The following FAM193A variants were observed in gnomAD, a reference collection of about 807,000 sequenced individuals.
The protein encoded by FAM193A is family with sequence similarity 193 member A.
A neutral mutation model predicts 126.5 loss-of-function variants in FAM193A; 22 were observed. That is an observed-to-expected ratio of 0.17 (90% CI 0.12 to 0.25). FAM193A has a LOEUF of 0.25. Ranked by LOEUF, FAM193A falls within the 10% of genes least tolerant of loss-of-function variation. The pLI is 1.00. For missense variants in FAM193A, 1,675 were observed against 1,672.8 expected, an observed-to-expected ratio of 1.00 and a Z score of -0.02; for synonymous variants, 761 against 646.8, an observed-to-expected ratio of 1.18 and a Z score of -2.68.
chr4:2,688,725 G>C (rs1716031223), intron 13 of FAM193A, among the ~76,000 whole-genome samples: 1 of 152,262 alleles, frequency 6.6e-6, no homozygotes, highest in African/African-American at 2.4e-5. Context: ...TGGTGCAAAT[G>C]TGCAGGCTGT....
At chr4:2,546,284 C>T (rs899854425) in intron 1 of FAM193A, among the ~76,000 whole-genome samples, 23 of 151,818 alleles carry the variant, frequency 1.5e-4, no homozygotes, top group African/African-American at 5.3e-4. Flanking sequence ...AGGCTACTGT[C>T]CCAGCCAAAA....
intron 5 of FAM193A, among the ~76,000 whole-genome samples, chr4:2,633,288 A>G (rs1743780272): frequency 6.6e-6 from 1 of 151,790 alleles, no homozygotes; most frequent in African/African-American, 2.4e-5. Context: ...AGTCCCAGCT[A>G]CTCGGGAGGC....
At chr4:2,638,267 A>G (rs1397185236) in intron 5 of FAM193A, among the ~76,000 whole-genome samples, 2 of 152,208 alleles carry the variant, frequency 1.3e-5, no homozygotes, top group African/African-American at 2.4e-5. Context: ...AGAGCAGCGG[A>G]CTATTGTAGC....
At position 2,647,881 on chromosome 4, in the gene FAM193A, G is replaced by T. The variant is rs535534560; in HGVS notation, c.1311+1049G>T. ...AGCCTAAGACATGTGCTGGTTCCATGTCTGCCCTGGCATGGTGAGTGCCAT... is the reference window on the plus strand; with the variant it reads ...AGCCTAAGACATGTGCTGGTTCCATTTCTGCCCTGGCATGGTGAGTGCCAT... On this transcript the variant is annotated intron_variant, in intron 7 of 20. Transcript: ENST00000637812. Among the ~76,000 whole-genome samples, 6 of 152,298 alleles carry T rather than the reference G, an allele frequency of 3.9e-5. No homozygotes were observed. The East Asian group carries it at 1.2e-3, about 29-fold the overall frequency.
chr4:2,603,295 T>G (rs1741323880), intron 2 of FAM193A, among the ~76,000 whole-genome samples: 1 of 149,978 alleles, frequency 6.7e-6, no homozygotes, highest in Non-Finnish European at 1.5e-5. Flanking sequence ...TTTTTGTTTT[T>G]TTTTTTGAGA....
chr4:2,724,681 G>A (rs575792421), intron 20 of FAM193A, among the ~76,000 whole-genome samples: 12 of 152,256 alleles, frequency 7.9e-5, no homozygotes, highest in African/African-American at 2.9e-4. Context: ...CTGCACTCCA[G>A]CTTGGGAGAT....
At chr4:2,713,462 C>T (rs1215018929) in intron 19 of FAM193A, among the ~76,000 whole-genome samples, 1 of 152,128 alleles carries the variant, frequency 6.6e-6, no homozygotes, top group Non-Finnish European at 1.5e-5. Flanking sequence ...CTAGTGCATT[C>T]CTATAGACTT....
intron 1 of FAM193A, among the ~76,000 whole-genome samples, chr4:2,594,710 G>A (rs1010661358): frequency 1.3e-5 from 2 of 151,912 alleles, no homozygotes; most frequent in African/African-American, 2.4e-5. Flanking sequence ...GGGTTGATAC[G>A]GGTTAAAAAT....
intron 19 of FAM193A, among the ~76,000 whole-genome samples, chr4:2,702,547 C>T (rs1340798962): frequency 2.0e-5 from 3 of 152,140 alleles, no homozygotes; most frequent in Admixed American, 6.5e-5. Flanking sequence ...CATGTGCACA[C>T]GAGCGCCTGC....
intron 13 of FAM193A, among the ~76,000 whole-genome samples, chr4:2,685,942 G>A (rs1413598655): frequency 2.0e-5 from 3 of 152,192 alleles, no homozygotes; most frequent in Non-Finnish European, 2.9e-5. Context: ...CAAAACTTCT[G>A]CTAGTTGAAG....
intron 2 of FAM193A, among the ~76,000 whole-genome samples, chr4:2,616,893 G>A (rs1231845503): frequency 6.7e-6 from 1 of 148,314 alleles, no homozygotes; most frequent in Non-Finnish European, 1.5e-5. Context: ...AAGTGGCTGG[G>A]CGTGGTGGCT....
At chr4:2,660,171 G>A (rs1712252337) in intron 10 of FAM193A, 117 bp downstream of exon 10, 3 of 1,132,406 alleles carry the variant, frequency 2.6e-6, no homozygotes, top group South Asian at 3.2e-5. Context: ...CATGACAAGG[G>A]ACCCTGAGGT....
intron 1 of FAM193A, among the ~76,000 whole-genome samples, chr4:2,581,738 C>A (rs973648362): frequency 6.6e-6 from 1 of 152,024 alleles, no homozygotes; most frequent in Non-Finnish European, 1.5e-5. Context: ...ACTGCAGGCT[C>A]CGTTTCCTGG....
chr4:2,585,584 C>CT (rs376283804), intron 1 of FAM193A, among the ~76,000 whole-genome samples: 40 of 152,082 alleles, frequency 2.6e-4, no homozygotes, highest in East Asian at 5.8e-4. Context: ...TCATTTTTCA[C>CT]TTTTTTTTGT....
intron 1 of FAM193A, among the ~76,000 whole-genome samples, chr4:2,589,496 G>A (rs1740404573): frequency 1.3e-5 from 2 of 152,186 alleles, no homozygotes; most frequent in Non-Finnish European, 2.9e-5. Flanking sequence ...TGTAGAATCA[G>A]TCACTGTTGA....
At chr4:2,557,755 A>G (rs1738346125) in intron 1 of FAM193A, among the ~76,000 whole-genome samples, 1 of 151,958 alleles carries the variant, frequency 6.6e-6, no homozygotes, top group Non-Finnish European at 1.5e-5. Flanking sequence ...GATCAAGACC[A>G]TCCTGGCTAA....
intron 1 of FAM193A, among the ~76,000 whole-genome samples, chr4:2,554,096 T>G (rs1738112245): frequency 6.6e-6 from 1 of 152,192 alleles, no homozygotes; most frequent in East Asian, 1.9e-4. Context: ...TATTTATTTA[T>G]TTTTTTGAGA....
intron 16 of FAM193A, among the ~76,000 whole-genome samples, chr4:2,694,632 C>T (rs925592837): frequency 1.3e-5 from 2 of 152,128 alleles, no homozygotes; most frequent in Non-Finnish European, 1.5e-5. Context: ...TACCCCTTTT[C>T]GAAGCCCCTT....
intron 1 of FAM193A, among the ~76,000 whole-genome samples, chr4:2,557,869 T>C (rs1738353171): frequency 6.6e-6 from 1 of 152,052 alleles, no homozygotes; most frequent in South Asian, 2.1e-4. Context: ...GAAGAATCGC[T>C]TGAACCCAGG....
Sources: allele counts gnomAD v4.1 joint callset (sites outside exome capture counted in the v4.1 genomes callset), GRCh38; gene constraint gnomAD v4.1.1; transcripts MANE v1.5; gene names NCBI Gene and HGNC (gene_info 2026-07-23, HGNC 2026-07-21).